The following WWOX variants were observed in gnomAD, a reference collection of about 807,000 sequenced individuals.
WWOX encodes the protein WW domain containing oxidoreductase.
Under a neutral mutation model 46.2 loss-of-function variants are expected in WWOX, and 69 were observed. That is an observed-to-expected ratio of 1.49 (90% CI 1.23 to 1.82). The LOEUF (loss-of-function observed/expected upper bound fraction) is 1.82. Ranked by LOEUF, WWOX falls within the 40% of genes most tolerant of loss-of-function variation. The pLI is 0.00. For synonymous variants in WWOX, 359 were observed against 202.6 expected (o/e 1.77, Z -6.56); for missense variants, 919 against 542.6 (o/e 1.69, Z -6.89).
At chr16:78,173,491 C>T (rs1309938713) in intron 5 of WWOX, among the ~76,000 whole-genome samples, 1 of 146,562 alleles carries the variant, frequency 6.8e-6, no homozygotes, top group Non-Finnish European at 1.5e-5. Context: ...AGAGGAAGGG[C>T]TTCACCACGT....
At chr16:78,579,508 G>C (rs918209670) in intron 8 of WWOX, among the ~76,000 whole-genome samples, 2 of 152,184 alleles carry the variant, frequency 1.3e-5, no homozygotes, top group Non-Finnish European at 2.9e-5. Flanking sequence ...AACAACATGA[G>C]ATGAGGCTGG....
intron 6 of WWOX, among the ~76,000 whole-genome samples, chr16:78,389,669 T>C (rs1272595751): frequency 6.6e-6 from 1 of 152,070 alleles, no homozygotes; most frequent in Non-Finnish European, 1.5e-5. Flanking sequence ...CCAAGGCATG[T>C]GGAATGTGGG....
At chr16:78,648,686 T>G (rs2046899776) in intron 8 of WWOX, among the ~76,000 whole-genome samples, 1 of 152,106 alleles carries the variant, frequency 6.6e-6, no homozygotes. Context: ...ACCTCCGGCT[T>G]CCCCATGTCC....
At chr16:78,796,321 C>A (rs960337747) in intron 8 of WWOX, among the ~76,000 whole-genome samples, 7 of 152,224 alleles carry the variant, frequency 4.6e-5, no homozygotes, top group African/African-American at 1.7e-4. Context: ...AAATCCTCTG[C>A]TGGATCCTTT....
At chr16:78,418,347 G>GAC (rs2082846568) in intron 6 of WWOX, among the ~76,000 whole-genome samples, 1 of 150,420 alleles carries the variant, frequency 6.6e-6, no homozygotes, top group Non-Finnish European at 1.5e-5. Context: ...CTGGGCAGGA[G>GAC]ACAGAGTAAG....
intron 5 of WWOX, among the ~76,000 whole-genome samples, chr16:78,175,008 T>TAATAATAATAAG (rs1340736338): frequency 6.3e-5 from 9 of 143,566 alleles, no homozygotes; most frequent in Non-Finnish European, 1.4e-4. Flanking sequence ...GTAATAATAA[T>TAATAATAATAAG]AATAATAATA....
intron 5 of WWOX, among the ~76,000 whole-genome samples, chr16:78,358,987 C>G (rs995130063): frequency 8.6e-5 from 13 of 150,702 alleles, no homozygotes; most frequent in African/African-American, 2.7e-4. Flanking sequence ...AAATTAATCC[C>G]TTATTGCTGG....
Position 78,813,426 on chromosome 16 carries a change from A to G in WWOX, c.1056+380674A>G, listed in dbSNP as rs377275877. On this transcript the variant is annotated intron_variant, in intron 8 of 8. Coordinates refer to ENST00000566780, the MANE Select transcript of WWOX (RefSeq NM_016373.4). ...TCAGGTGGTTACCAGAATGGAGGAT[A>G]CTTGAGCTGAGTTTTGCTAGAGTCC... Among the ~76,000 whole-genome samples the G allele has an allele frequency of 1.2e-4, 18 of 152,314 alleles. No homozygotes were observed. The South Asian group carries it at 2.9e-3, about 25-fold the overall frequency.
chr16:78,938,506 G>A (rs758804263), intron 8 of WWOX, among the ~76,000 whole-genome samples: 3 of 141,486 alleles, frequency 2.1e-5, no homozygotes, highest in Non-Finnish European at 3.1e-5. Context: ...GTCTCGGTGG[G>A]CCTGTTTGAG....
At chr16:78,732,220 G>A (rs768739052) in intron 8 of WWOX, among the ~76,000 whole-genome samples, 2 of 152,168 alleles carry the variant, frequency 1.3e-5, no homozygotes, top group African/African-American at 4.8e-5. Context: ...TATGGTACAG[G>A]TGACGCTGCA....
chr16:78,512,930 G>T (rs1202476117), intron 8 of WWOX, among the ~76,000 whole-genome samples: 1 of 152,176 alleles, frequency 6.6e-6, no homozygotes, highest in Admixed American at 6.5e-5. Flanking sequence ...TCCCAGGCAG[G>T]AAGGCCCATT....
At chr16:78,609,234 G>C (rs887224280) in intron 8 of WWOX, among the ~76,000 whole-genome samples, 1 of 152,132 alleles carries the variant, frequency 6.6e-6, no homozygotes, top group African/African-American at 2.4e-5. Flanking sequence ...CAGGTTTTTG[G>C]TGTTTGCATC....
At chr16:79,014,107 G>A (rs1037505248) in intron 8 of WWOX, among the ~76,000 whole-genome samples, 7 of 152,316 alleles carry the variant, frequency 4.6e-5, no homozygotes, top group Middle Eastern at 3.4e-3. Context: ...AGCCCGAGCT[G>A]GGTCTTTGAG....
chr16:78,503,747 G>T (rs925615993), intron 8 of WWOX: 4 of 152,196 alleles, frequency 2.6e-5, no homozygotes, highest in Admixed American at 1.3e-4. Flanking sequence ...AGTTTACCCA[G>T]AAACTAGAAG....
At chr16:78,991,753 A>G (rs1340667670) in intron 8 of WWOX, among the ~76,000 whole-genome samples, 1 of 152,012 alleles carries the variant, frequency 6.6e-6, no homozygotes, top group African/African-American at 2.4e-5. Context: ...TGAAACAGGA[A>G]GGTGAGGGGC....
chr16:78,558,247 A>G (rs541627161), intron 8 of WWOX, among the ~76,000 whole-genome samples: 100 of 152,350 alleles, frequency 6.6e-4, no homozygotes, highest in Non-Finnish European at 1.2e-3. Context: ...GAAAATTTCT[A>G]GTGCCTGGAG....
intron 5 of WWOX, among the ~76,000 whole-genome samples, chr16:78,297,488 A>T (rs12932641): frequency 0.017 from 2,660 of 152,318 alleles, 46 homozygotes; most frequent in Middle Eastern, 0.031. Flanking sequence ...CCAAAAAAAT[A>T]TGCCATTTAG....
chr16:78,229,410 G>T (rs182142426), intron 5 of WWOX, among the ~76,000 whole-genome samples: 2 of 149,548 alleles, frequency 1.3e-5, no homozygotes, highest in Non-Finnish European at 3.0e-5. Context: ...TGTTGTCATC[G>T]TTTTATGATT....
In WWOX at chr16:78,837,043, C is replaced by G. The variant is rs2052006000; in HGVS notation, c.1057-374565C>G. Among the ~76,000 whole-genome samples, 5 of 152,004 alleles carry G rather than the reference C, an allele frequency of 3.3e-5. No homozygotes were observed. In the South Asian group the frequency reaches 1.0e-3, roughly 32 times the overall value. On this transcript the variant is annotated intron_variant, in intron 8 of 8. Coordinates refer to ENST00000566780, the MANE Select transcript of WWOX (RefSeq NM_016373.4). ...ATCCCACACAATGGAAACCAGAGCCCAGATTATATTAACAAGAAGTTCCAG... is the reference window on the plus strand; with the variant it reads ...ATCCCACACAATGGAAACCAGAGCCGAGATTATATTAACAAGAAGTTCCAG...
Sources: allele counts gnomAD v4.1 joint callset (sites outside exome capture counted in the v4.1 genomes callset), GRCh38; gene constraint gnomAD v4.1.1; transcripts MANE v1.5; gene names NCBI Gene and HGNC (gene_info 2026-07-23, HGNC 2026-07-21).